Variants in ETV1 observed in about 807,000 individuals in gnomAD.
The protein encoded by ETV1 is ETS translocation variant 1.
Under a neutral mutation model 62.3 loss-of-function variants are expected in ETV1, and 27 were observed. The observed-to-expected ratio is 0.43, with a 90% CI of 0.32 to 0.60. The LOEUF (loss-of-function observed/expected upper bound fraction) is 0.60, where lower values mean the gene tolerates loss of function less well. ETV1 is among the 20% of genes least tolerant of loss of function. ETV1 has a pLI of 0.06. For missense variants in ETV1, 605 were observed against 605.8 expected (o/e 1.00, Z 0.01); for synonymous variants, 222 against 199.6 (o/e 1.11, Z -0.94).
chr7:13,961,544 T>C (rs1790164293), intron 6 of ETV1, among the ~76,000 whole-genome samples: 1 of 152,190 alleles, frequency 6.6e-6, no homozygotes, highest in Non-Finnish European at 1.5e-5. Flanking sequence ...ACACTATAAT[T>C]ATTATTGCTT....
intron 9 of ETV1, among the ~76,000 whole-genome samples, chr7:13,917,206 C>G (rs535737573): frequency 1.3e-5 from 2 of 152,158 alleles, no homozygotes; most frequent in East Asian, 3.9e-4. Flanking sequence ...ACAAGTTTTA[C>G]AAGCCTGTGA....
chr7:13,913,914 T>G (rs1275127738), intron 9 of ETV1, among the ~76,000 whole-genome samples: 1 of 135,254 alleles, frequency 7.4e-6, no homozygotes, highest in African/African-American at 2.8e-5. Flanking sequence ...AGACAGAGTC[T>G]CGCTCTGTCG....
At chr7:13,980,024 A>G (rs988833322) in intron 5 of ETV1, among the ~76,000 whole-genome samples, 1 of 152,208 alleles carries the variant, frequency 6.6e-6, no homozygotes, top group African/African-American at 2.4e-5. Flanking sequence ...GCTGCACGAT[A>G]ACAATCTGTA....
rs141829918 is a variant in ETV1, at chr7:13,937,234, T to C, written c.366-1338A>G. Among the ~76,000 whole-genome samples, 1,374 of 152,348 alleles carry C rather than the reference T, an allele frequency of 9.0e-3. 17 individuals are homozygous for C. Among genetic ancestry groups the C allele is most frequent in the African/African-American group, 0.031 (1,296 of 41,584 alleles). On this transcript the variant is annotated intron_variant, in intron 7 of 13. Transcript: ENST00000430479. The stretch of plus-strand genomic sequence containing the variant: ...ATATGCTGCACAAGGCAGCTCTTGC[T>C]TCAAAGCAAAGTCAACAGTGTTCAT...
chr7:13,906,810 T>C (rs1228273692), intron 11 of ETV1, among the ~76,000 whole-genome samples: 1 of 152,146 alleles, frequency 6.6e-6, no homozygotes, highest in Admixed American at 6.5e-5. Context: ...GATAACTATA[T>C]ATAACACAGG....
At chr7:13,986,755 G>A (rs932243453) in intron 4 of ETV1, 70 bp from the exon 5 acceptor site, 3 of 1,117,138 alleles carry the variant, frequency 2.7e-6, no homozygotes, top group Admixed American at 2.4e-5. Context: ...GGAAATATTT[G>A]TCATGAAATT....
At chr7:13,972,564 T>A (rs1262789933) in intron 6 of ETV1, among the ~76,000 whole-genome samples, 1 of 152,236 alleles carries the variant, frequency 6.6e-6, no homozygotes, top group Non-Finnish European at 1.5e-5. Flanking sequence ...TTTGAAATAC[T>A]CCTTAATTTG....
rs1043839704 is a variant in ETV1, at chr7:13,977,526, C to T, written c.182-46G>A. ...TAAAAAAAATTAAGAGAGAAACTGCCAAAAGCATAAGGAATGTCAAGTAAA... is the reference window on the plus strand; with the variant it reads ...TAAAAAAAATTAAGAGAGAAACTGCTAAAAGCATAAGGAATGTCAAGTAAA... On this transcript the variant is annotated intron_variant, in intron 5 of 13. Coordinates refer to ENST00000430479, the MANE Select transcript of ETV1 (RefSeq NM_004956.5). The T allele has an allele frequency of 3.1e-6, 4 of 1,301,150 alleles. No homozygotes were observed. In the Admixed American group the frequency reaches 6.2e-5, roughly 20 times the overall value. The allele number at this position is 1,301,150 out of a possible 1,614,324, so 80.6% of individuals were successfully genotyped here.
At chr7:13,943,403 T>C (rs1322186138) in intron 6 of ETV1, among the ~76,000 whole-genome samples, 1 of 152,202 alleles carries the variant, frequency 6.6e-6, no homozygotes, top group Non-Finnish European at 1.5e-5. Flanking sequence ...ATGGGAACTT[T>C]TATACAAGCT....
intron 6 of ETV1, among the ~76,000 whole-genome samples, chr7:13,939,542 A>G (rs1389692634): frequency 6.6e-6 from 1 of 152,228 alleles, no homozygotes; most frequent in African/African-American, 2.4e-5. Flanking sequence ...AGTTTCAAGA[A>G]AGTACATTTT....
chr7:13,991,331 C>G (rs1468339761), upstream of ETV1: 1 of 152,302 alleles, frequency 6.6e-6, no homozygotes, highest in East Asian at 1.9e-4. Flanking sequence ...CAAAGACCTT[C>G]TCTGCAGCCC....
At chr7:13,980,372 G>C (rs1781860250) in intron 5 of ETV1, among the ~76,000 whole-genome samples, 1 of 152,206 alleles carries the variant, frequency 6.6e-6, no homozygotes, top group Non-Finnish European at 1.5e-5. Flanking sequence ...TACTGTGAAG[G>C]AGCAAACTGC....
At chr7:13,938,138 T>G (rs1787030300) in intron 7 of ETV1, among the ~76,000 whole-genome samples, 1 of 152,110 alleles carries the variant, frequency 6.6e-6, no homozygotes, top group East Asian at 1.9e-4. Flanking sequence ...AGAGACGAGG[T>G]TTCTCCGTGT....
chr7:13,950,360 G>C (rs1040583780), intron 6 of ETV1, among the ~76,000 whole-genome samples: 1 of 152,274 alleles, frequency 6.6e-6, no homozygotes, highest in East Asian at 1.9e-4. Context: ...TTGTGAGTGT[G>C]TGTGTGTATG....
Position 13,894,053 on chromosome 7 carries a change from T to C in ETV1, c.*1813A>G, listed in dbSNP as rs1781567961. On this transcript the variant is annotated 3_prime_UTR_variant, in exon 14 of 14. Coordinates refer to ENST00000430479, the MANE Select transcript of ETV1 (RefSeq NM_004956.5). ...GAGAAATGAGCTGTGATCTGTGTAG[T>C]TTTGGAAAATGGGTAGCTGGGGGGA... The C allele has an allele frequency of 4.3e-6, 1 of 232,840 alleles. No individual in the cohort carries two copies. Among genetic ancestry groups the C allele is most frequent in the African/African-American group, 2.2e-5 (1 of 45,314 alleles). The allele number at this position is 232,840 out of a possible 1,614,324, so 14.4% of individuals were successfully genotyped here.
chr7:13,913,931 C>T lies in ETV1; in HGVS notation c.803-2624G>A, dbSNP rs1481263989. Among the ~76,000 whole-genome samples, 18 of 127,860 alleles carry T rather than the reference C, an allele frequency of 1.4e-4. No homozygotes were observed. In the Admixed American group the frequency reaches 1.7e-3, roughly 12 times the overall value. The allele number at this position is 127,860 out of a possible 152,430, so 83.9% of individuals were successfully genotyped here. ...ACAGAGTCTCGCTCTGTCGCCCAGG[C>T]TGGAGTGCAGTGCCGTGATCTCAGC... On this transcript the variant is annotated intron_variant, in intron 9 of 13. Transcript: ENST00000430479.
At chr7:13,944,971 C>A (rs971804719) in intron 6 of ETV1, among the ~76,000 whole-genome samples, 4 of 152,104 alleles carry the variant, frequency 2.6e-5, no homozygotes, top group African/African-American at 9.7e-5. Context: ...CAGGAAACTA[C>A]CAGAAGCTAG....
At chr7:13,930,664 C>T (rs1361930092) in intron 9 of ETV1, among the ~76,000 whole-genome samples, 1 of 152,136 alleles carries the variant, frequency 6.6e-6, no homozygotes, top group African/African-American at 2.4e-5. Context: ...CACTCCCCCA[C>T]TTGACCCGCT....
intron 8 of ETV1, among the ~76,000 whole-genome samples, chr7:13,932,050 A>C (rs1035566425): frequency 2.0e-5 from 3 of 151,552 alleles, no homozygotes; most frequent in Admixed American, 6.6e-5. Flanking sequence ...ACACCCACAC[A>C]CACACACACA....
Sources: gnomAD v4.1 joint callset for allele counts (sites outside exome capture counted in the v4.1 genomes callset) on GRCh38, gnomAD v4.1.1 for gene constraint, MANE v1.5 for transcripts, NCBI Gene and HGNC (gene_info 2026-07-23, HGNC 2026-07-21) for gene names.